CALCR: variants seen among roughly 807,000 people sequenced by gnomAD.
CALCR encodes calcitonin receptor.
A neutral mutation model predicts 59.5 loss-of-function variants in CALCR; 47 were observed. That is an observed-to-expected ratio of 0.79 (90% confidence interval 0.63 to 1.01). CALCR has a LOEUF of 1.01. Among genes scored for constraint, CALCR ranks in the 50% least tolerant of loss-of-function variants. The pLI, the probability that CALCR is intolerant of heterozygous loss-of-function variation, is 0.00. For synonymous variants in CALCR, 213 were observed against 211.3 expected (o/e 1.01, Z -0.07); for missense variants, 566 against 597.1 (o/e 0.95, Z 0.54).
At chr7:93,552,967 A>G (rs1002077080) in intron 2 of CALCR, among the ~76,000 whole-genome samples, 2 of 152,290 alleles carry the variant, frequency 1.3e-5, no homozygotes, top group South Asian at 2.1e-4. Context: ...TGAGATAAAC[A>G]TAGCACTTGT....
intron 2 of CALCR, among the ~76,000 whole-genome samples, chr7:93,518,840 A>C (rs1801699178): frequency 6.6e-6 from 1 of 152,056 alleles, no homozygotes; most frequent in African/African-American, 2.4e-5. Flanking sequence ...GTTTTATGCC[A>C]TTCGTGTTTC....
At chr7:93,564,989 AG>A (rs902512668) in intron 2 of CALCR, among the ~76,000 whole-genome samples, 14 of 152,316 alleles carry the variant, frequency 9.2e-5, no homozygotes, top group African/African-American at 3.1e-4. Context: ...AACTAGCAGA[AG>A]GGGAGGGGAC....
intron 12 of CALCR, among the ~76,000 whole-genome samples, chr7:93,435,339 T>C (rs1236738894): frequency 6.6e-6 from 1 of 152,144 alleles, no homozygotes; most frequent in Non-Finnish European, 1.5e-5. Context: ...TAAAGGAAGA[T>C]CTGACAATTT....
intron 4 of CALCR, among the ~76,000 whole-genome samples, chr7:93,478,162 A>C (rs905373154): frequency 6.6e-6 from 1 of 151,818 alleles, no homozygotes; most frequent in African/African-American, 2.4e-5. Context: ...GGCTTCAACG[A>C]AATTGTTTCT....
intron 2 of CALCR, among the ~76,000 whole-genome samples, chr7:93,528,581 T>G (rs1788742863): frequency 6.6e-6 from 1 of 152,240 alleles, no homozygotes; most frequent in African/African-American, 2.4e-5. Flanking sequence ...TCTAAAAATT[T>G]TATGGTATAA....
intron 2 of CALCR, among the ~76,000 whole-genome samples, chr7:93,561,877 G>C (rs916846132): frequency 6.6e-6 from 1 of 152,082 alleles, no homozygotes; most frequent in Non-Finnish European, 1.5e-5. Context: ...CCTTCAGTAG[G>C]AGTACAGGAC....
chr7:93,426,536 C>T lies in CALCR; in HGVS notation c.1245G>A (p.Gln415=). ...GGTTGGAGGGGCGCCTCCCCCAACG[C>T]TGGTTCCACTGAATTTTGAATTGGG... ...QWAQFKIQWN[Q]RWGRRPSNRS... The change falls in exon 14 of 14, where the codon CAG becomes CAA. Residue 415 remains glutamine, a synonymous_variant. Transcript: ENST00000426151. The T allele has an allele frequency of 6.2e-7, 1 of 1,613,436 alleles. No homozygotes were observed. Among genetic ancestry groups the T allele is most frequent in the Non-Finnish European group, 8.5e-7 (1 of 1,179,516 alleles).
chr7:93,571,994 T>A (rs1409429973), intron 2 of CALCR, among the ~76,000 whole-genome samples: 2 of 152,198 alleles, frequency 1.3e-5, no homozygotes, highest in East Asian at 3.8e-4. Flanking sequence ...TGAAATTGTA[T>A]GTTTCATCAA....
chr7:93,428,479 T>G lies in CALCR; in HGVS notation c.1192-1890A>C, dbSNP rs1294784365. ...CTGGGAAATATACAGGTTCAGCACA[T>G]TTTTGGAGAAGCAATGTCTCCAGTC... On this transcript the variant is annotated intron_variant, in intron 13 of 13. Transcript: ENST00000426151. Among the ~76,000 whole-genome samples the G allele has an allele frequency of 3.3e-5, 5 of 152,190 alleles. No individual in the cohort carries two copies. The East Asian group carries it at 9.6e-4, about 29-fold the overall frequency.
chr7:93,469,824 G>A (rs1800516209), intron 6 of CALCR, among the ~76,000 whole-genome samples: 1 of 151,726 alleles, frequency 6.6e-6, no homozygotes, highest in Admixed American at 6.6e-5. Flanking sequence ...CAAATGTAGT[G>A]TAGATAGGAT....
chr7:93,530,771 G>T (rs534728914), intron 2 of CALCR, among the ~76,000 whole-genome samples: 2 of 152,146 alleles, frequency 1.3e-5, no homozygotes, highest in Admixed American at 1.3e-4. Context: ...TAAATTCTTT[G>T]CTTATTTTTA....
chr7:93,526,164 C>T (rs139566433), intron 2 of CALCR, among the ~76,000 whole-genome samples: 48 of 152,184 alleles, frequency 3.2e-4, no homozygotes, highest in Admixed American at 4.6e-4. Context: ...CTTTAGAGTC[C>T]ATCTTTGTGA....
At chr7:93,496,187 T>C (rs576786246) in intron 2 of CALCR, among the ~76,000 whole-genome samples, 2 of 151,578 alleles carry the variant, frequency 1.3e-5, no homozygotes, top group East Asian at 3.9e-4. Context: ...AGCAATCCCA[T>C]GAGAAGCAGC....
rs947293302 is a variant in CALCR at position 93,424,768 on chromosome 7, A to C, written c.*1588T>G. 1.3e-5 allele frequency: 2 copies of C among 152,646 alleles called. No homozygotes were observed. Among genetic ancestry groups the C allele is most frequent in the Admixed American group, 1.3e-4 (2 of 15,286 alleles). The allele number at this position is 152,646 out of a possible 1,614,324, so 9.5% of individuals were successfully genotyped here. Reference sequence around the variant, plus strand: ...CATGTTTGTAAACAAAAATAGAACAATACTACATAACACTGTGATTGGAAA... The same window carrying C: ...CATGTTTGTAAACAAAAATAGAACACTACTACATAACACTGTGATTGGAAA... On this transcript the variant is annotated 3_prime_UTR_variant, in exon 14 of 14. Coordinates refer to ENST00000426151, the MANE Select transcript of CALCR (RefSeq NM_001742.4).
chr7:93,473,768 A>G (rs1263624117), intron 5 of CALCR, among the ~76,000 whole-genome samples: 1 of 151,706 alleles, frequency 6.6e-6, no homozygotes, highest in East Asian at 1.9e-4. Flanking sequence ...GCCCTGAGAA[A>G]GAACTTTTTC....
chr7:93,528,356 C>T (rs183163019), intron 2 of CALCR, among the ~76,000 whole-genome samples: 56 of 152,288 alleles, frequency 3.7e-4, no homozygotes, highest in Non-Finnish European at 6.0e-4. Flanking sequence ...TATACATGTG[C>T]CGTGATGGTG....
intron 3 of CALCR, among the ~76,000 whole-genome samples, chr7:93,484,680 C>T (rs889449489): frequency 2.6e-5 from 4 of 151,692 alleles, no homozygotes; most frequent in Admixed American, 6.6e-5. Flanking sequence ...ATATAAACAA[C>T]GAAACTGCAT....
intron 3 of CALCR, 33 bp from the exon 4 acceptor site, chr7:93,479,540 A>G (rs1459068670): frequency 6.3e-7 from 1 of 1,594,346 alleles, no homozygotes; most frequent in Non-Finnish European, 8.6e-7. Flanking sequence ...TTACTTATAG[A>G]CAGGAGGAAT....
chr7:93,533,326 T>C (rs1788897733), intron 2 of CALCR, among the ~76,000 whole-genome samples: 1 of 151,990 alleles, frequency 6.6e-6, no homozygotes, highest in South Asian at 2.1e-4. Flanking sequence ...ACACTTTCAT[T>C]TTTTCTGTAT....
Sources: gnomAD v4.1 joint callset for allele counts (sites outside exome capture counted in the v4.1 genomes callset) on GRCh38, gnomAD v4.1.1 for gene constraint, MANE v1.5 for transcripts, NCBI Gene and HGNC (gene_info 2026-07-23, HGNC 2026-07-21) for gene names.